NKAIN3: variants seen among roughly 807,000 people sequenced by gnomAD.
NKAIN3 encodes the protein sodium/potassium transporting ATPase interacting 3.
In NKAIN3, 25 loss-of-function variants were observed where a neutral mutation model predicts 30.2. That is an observed-to-expected ratio of 0.83 (90% CI 0.60 to 1.16). The LOEUF (loss-of-function observed/expected upper bound fraction) is 1.16. Among genes scored for constraint, NKAIN3 ranks in the 50% most tolerant of loss-of-function variants. NKAIN3 has a pLI of 0.00. For missense variants in NKAIN3, 225 were observed against 254.1 expected (o/e 0.89, Z 0.78); for synonymous variants, 91 against 89.6 (o/e 1.02, Z -0.09).
At chr8:62,320,792 A>T (rs1342901860) in intron 1 of NKAIN3, among the ~76,000 whole-genome samples, 1 of 152,132 alleles carries the variant, frequency 6.6e-6, no homozygotes, top group African/African-American at 2.4e-5. Flanking sequence ...AACTTTCGTG[A>T]ATCTGACAAT....
intron 1 of NKAIN3, among the ~76,000 whole-genome samples, chr8:62,374,332 A>G (rs1390608820): frequency 2.0e-5 from 3 of 152,134 alleles, no homozygotes; most frequent in Non-Finnish European, 4.4e-5. Flanking sequence ...GTAGACTTCT[A>G]CAGAGACTAA....
At chr8:62,749,768 C>T (rs11777750) in intron 4 of NKAIN3, among the ~76,000 whole-genome samples, 74,885 of 147,826 alleles carry the variant, frequency 0.51, 22,090 homozygotes, top group Non-Finnish European at 0.67. Flanking sequence ...CTGCAACCTC[C>T]GCTTCCCAGG....
intron 4 of NKAIN3, among the ~76,000 whole-genome samples, chr8:62,778,492 C>G (rs992179598): frequency 6.6e-6 from 1 of 152,030 alleles, no homozygotes; most frequent in Non-Finnish European, 1.5e-5. Context: ...TCACCACTAC[C>G]ACAGGTTCAC....
At chr8:62,354,734 C>A (rs540907803) in intron 1 of NKAIN3, among the ~76,000 whole-genome samples, 1 of 152,152 alleles carries the variant, frequency 6.6e-6, no homozygotes, top group Non-Finnish European at 1.5e-5. Flanking sequence ...TGAGCCACCG[C>A]GCCAGGCCGA....
intron 4 of NKAIN3, among the ~76,000 whole-genome samples, chr8:62,761,710 C>T (rs908470667): frequency 9.2e-5 from 14 of 152,158 alleles, no homozygotes; most frequent in Admixed American, 9.2e-4. Flanking sequence ...AGTATGGCTG[C>T]ATCTTCTATT....
At chr8:62,431,155 C>T (rs1189217152) in intron 1 of NKAIN3, among the ~76,000 whole-genome samples, 1 of 151,906 alleles carries the variant, frequency 6.6e-6, no homozygotes, top group Non-Finnish European at 1.5e-5. Context: ...ATTTTTGTCA[C>T]ATCCAAAGAT....
At chr8:62,570,583 G>A (rs1045088910) in intron 1 of NKAIN3, among the ~76,000 whole-genome samples, 6 of 152,180 alleles carry the variant, frequency 3.9e-5, no homozygotes, top group Admixed American at 1.3e-4. Context: ...GATATCGTGA[G>A]GCTTATTCAC....
chr8:62,282,592 A>G (rs2129397064), intron 1 of NKAIN3, among the ~76,000 whole-genome samples: 1 of 152,252 alleles, frequency 6.6e-6, no homozygotes, highest in African/African-American at 2.4e-5. Flanking sequence ...GTGCTGTTTG[A>G]TACTTTTAAA....
rs188232959 is a variant in NKAIN3, at chr8:62,573,620, A to C, written c.55-5919A>C. 3.0e-3 allele frequency among the ~76,000 whole-genome samples: 458 copies of C among 151,868 alleles called. 1 individual carries two copies. Among genetic ancestry groups the C allele is most frequent in the Non-Finnish European group, 4.0e-3 (275 of 67,912 alleles). ...GATATTTATTTTCATCCTATTCTTT[A>C]TAGTGTACAGATTCTTACCTACTTT... is the stretch of plus-strand genomic sequence containing the variant. On this transcript the variant is annotated intron_variant, in intron 1 of 6. Coordinates refer to ENST00000623646, the MANE Select transcript of NKAIN3 (RefSeq NM_001304533.3).
intron 4 of NKAIN3, among the ~76,000 whole-genome samples, chr8:62,774,179 A>G (rs1817107779): frequency 6.6e-6 from 1 of 152,072 alleles, no homozygotes; most frequent in Non-Finnish European, 1.5e-5. Flanking sequence ...TGTAAATGAG[A>G]TTACTTTCTT....
At chr8:62,883,971 A>AT (rs1315533239) in intron 4 of NKAIN3, among the ~76,000 whole-genome samples, 1 of 152,030 alleles carries the variant, frequency 6.6e-6, no homozygotes, top group African/African-American at 2.4e-5. Flanking sequence ...TGATCCTGTG[A>AT]TTTTTCTTCT....
intron 5 of NKAIN3, among the ~76,000 whole-genome samples, chr8:62,929,869 C>A (rs1822565308): frequency 6.6e-6 from 1 of 152,242 alleles, no homozygotes; most frequent in African/African-American, 2.4e-5. Flanking sequence ...TTTAGCTCAT[C>A]AACTATCATT....
At chr8:62,542,403 T>C (rs1256047197) in intron 1 of NKAIN3, among the ~76,000 whole-genome samples, 1 of 152,170 alleles carries the variant, frequency 6.6e-6, no homozygotes, top group Non-Finnish European at 1.5e-5. Flanking sequence ...TAAAACAACA[T>C]GATATATGTG....
At chr8:62,368,885 C>A (rs1816822868) in intron 1 of NKAIN3, among the ~76,000 whole-genome samples, 1 of 151,666 alleles carries the variant, frequency 6.6e-6, no homozygotes, top group Admixed American at 6.6e-5. Context: ...ATTCCCATTG[C>A]AATGCCTATT....
At chr8:62,499,439 GAA>G (rs1807347704) in intron 1 of NKAIN3, among the ~76,000 whole-genome samples, 1 of 152,118 alleles carries the variant, frequency 6.6e-6, no homozygotes, top group African/African-American at 2.4e-5. Context: ...GAATTCCACT[GAA>G]TGATTCCCAA....
At chr8:62,618,647 T>C (rs1465421433) in intron 3 of NKAIN3, among the ~76,000 whole-genome samples, 2 of 152,148 alleles carry the variant, frequency 1.3e-5, no homozygotes, top group African/African-American at 4.8e-5. Flanking sequence ...GGCTAACGCC[T>C]GTAATCCTAG....
At position 62,808,517 on chromosome 8, in the gene NKAIN3, G is replaced by A. The variant is rs149594360; in HGVS notation, c.471+61388G>A. Reference sequence around the variant, plus strand: ...AGGTTCTTTTCTATTTTCCCTAAGTGTCGACCGGTCTGAGAAATAAGGGGA... The same window carrying A: ...AGGTTCTTTTCTATTTTCCCTAAGTATCGACCGGTCTGAGAAATAAGGGGA... On this transcript the variant is annotated intron_variant, in intron 4 of 6. Transcript: ENST00000623646. Among the ~76,000 whole-genome samples, 1,158 of 152,164 alleles carry A rather than the reference G, an allele frequency of 7.6e-3. 11 individuals carry two copies. Among genetic ancestry groups the A allele is most frequent in the Admixed American group, 0.016 (251 of 15,258 alleles).
At chr8:62,624,722 G>T (rs1466583054) in intron 3 of NKAIN3, among the ~76,000 whole-genome samples, 1 of 150,200 alleles carries the variant, frequency 6.7e-6, no homozygotes, top group East Asian at 1.9e-4. Flanking sequence ...CTGCTCCTCT[G>T]GTGTGCTCGT....
downstream of NKAIN3, among the ~76,000 whole-genome samples, chr8:62,987,476 T>C (rs891234821): frequency 1.3e-5 from 2 of 152,118 alleles, no homozygotes; most frequent in Non-Finnish European, 2.9e-5. Context: ...TCCACATGAC[T>C]GAGGAGGCCT....
Sources: gnomAD v4.1 joint callset for allele counts (sites outside exome capture counted in the v4.1 genomes callset) on GRCh38, gnomAD v4.1.1 for gene constraint, MANE v1.5 for transcripts, NCBI Gene and HGNC (gene_info 2026-07-23, HGNC 2026-07-21) for gene names.